The following ADAMTS6 variants were observed in gnomAD, a reference collection of about 807,000 sequenced individuals.
ADAMTS6 encodes the protein A disintegrin and metalloproteinase with thrombospondin motifs 6.
A neutral mutation model predicts 144.3 loss-of-function variants in ADAMTS6; 23 were observed. The observed-to-expected ratio is 0.16, with a 90% CI of 0.11 to 0.23. The LOEUF (loss-of-function observed/expected upper bound fraction) is 0.23, where lower values mean the gene tolerates loss of function less well. Among genes scored for constraint, ADAMTS6 ranks in the 10% least tolerant of loss-of-function variants. The pLI, the probability that ADAMTS6 is intolerant of heterozygous loss-of-function variation, is 1.00. For synonymous variants in ADAMTS6, 444 were observed against 457.5 expected, an observed-to-expected ratio of 0.97 and a Z score of 0.38; for missense variants, 999 against 1,379.6, an observed-to-expected ratio of 0.72 and a Z score of 4.37.
At chr5:65,344,994 T>C (rs2150080366) in intron 7 of ADAMTS6, among the ~76,000 whole-genome samples, 1 of 151,948 alleles carries the variant, frequency 6.6e-6, no homozygotes, top group African/African-American at 2.4e-5. Context: ...CTTACATATC[T>C]CTCATCAAAC....
At chr5:65,324,044 A>G (rs898159125) in intron 9 of ADAMTS6, among the ~76,000 whole-genome samples, 1 of 152,170 alleles carries the variant, frequency 6.6e-6, no homozygotes, top group African/African-American at 2.4e-5. Context: ...GTAGGTTGCA[A>G]AAATTTTCTC....
intron 18 of ADAMTS6, among the ~76,000 whole-genome samples, chr5:65,216,782 T>TACACAC (rs10584577): frequency 0.039 from 5,811 of 148,594 alleles, 134 homozygotes; most frequent in African/African-American, 0.056. Context: ...TTACAAGAAA[T>TACACAC]ACACACACAC....
chr5:65,349,643 T>A (rs1011751382), intron 7 of ADAMTS6, among the ~76,000 whole-genome samples: 1 of 151,862 alleles, frequency 6.6e-6, no homozygotes, highest in African/African-American at 2.4e-5. Flanking sequence ...TCAGCTGAGG[T>A]CAGGAGTTCG....
At chr5:65,363,631 T>G (rs932082035) in intron 7 of ADAMTS6, among the ~76,000 whole-genome samples, 1 of 152,204 alleles carries the variant, frequency 6.6e-6, no homozygotes, top group Admixed American at 6.5e-5. Flanking sequence ...TTAAGCTTAC[T>G]CCTTTCATCA....
At chr5:65,204,208 T>C (rs935307416) in intron 20 of ADAMTS6, among the ~76,000 whole-genome samples, 1 of 152,214 alleles carries the variant, frequency 6.6e-6, no homozygotes, top group African/African-American at 2.4e-5. Context: ...TAAGCTTAAG[T>C]TATATTGAAA....
rs1265142920 is a variant in ADAMTS6, at chr5:65,230,830, A to AAT, written c.1934-4613_1934-4612dup. On this transcript the variant is annotated intron_variant, in intron 15 of 24. Transcript: ENST00000381055. ...AATATATATATAATACATATGTATA[A>AAT]ATATATATATAATACATATATATGA... 3.0e-5 allele frequency among the ~76,000 whole-genome samples: 3 copies of AAT among 99,294 alleles called. 1 individual carries two copies. The highest frequency in any genetic ancestry group is 6.5e-5 in the Non-Finnish European group (3 of 46,190). 65.1% of individuals were successfully genotyped at this position (99,294 alleles called of 152,430 possible). A position where few individuals can be genotyped will look rare whatever the true frequency, so the allele number is the denominator to read the frequency against.
intron 7 of ADAMTS6, among the ~76,000 whole-genome samples, chr5:65,403,502 T>C (rs888183671): frequency 2.0e-5 from 3 of 152,132 alleles, no homozygotes; most frequent in Non-Finnish European, 2.9e-5. Context: ...CAGCATGTTT[T>C]CCCCTATCTT....
intron 20 of ADAMTS6, among the ~76,000 whole-genome samples, chr5:65,213,711 TAAC>T (rs1756692012): frequency 1.3e-5 from 2 of 151,886 alleles, no homozygotes; most frequent in Non-Finnish European, 2.9e-5. Context: ...TCTCTAAAAA[TAAC>T]CTCTCTGATT....
At chr5:65,252,165 A>C (rs1315153813) in intron 14 of ADAMTS6, among the ~76,000 whole-genome samples, 1 of 152,082 alleles carries the variant, frequency 6.6e-6, no homozygotes, top group African/African-American at 2.4e-5. Flanking sequence ...GGAATATCAA[A>C]GCTTCAAAAT....
chr5:65,306,850 T>C (rs931655688), intron 9 of ADAMTS6, among the ~76,000 whole-genome samples: 1 of 152,222 alleles, frequency 6.6e-6, no homozygotes, highest in Non-Finnish European at 1.5e-5. Flanking sequence ...GTTCAACTAT[T>C]TGCATATTTT....
At chr5:65,481,261 G>C (rs1761183192) in intron 1 of ADAMTS6, 82 bp downstream of exon 1, 1 of 143,010 alleles carries the variant, frequency 7.0e-6, no homozygotes, top group African/African-American at 2.6e-5. Context: ...AGTTTTCTAA[G>C]CGTTATTCGG....
chr5:65,178,065 C>T (rs1408429873), intron 22 of ADAMTS6, among the ~76,000 whole-genome samples: 2 of 152,198 alleles, frequency 1.3e-5, no homozygotes, highest in Non-Finnish European at 2.9e-5. Flanking sequence ...TGAAGGGATG[C>T]AGTGAGCTTA....
chr5:65,448,246 G>A (rs1275489783), intron 7 of ADAMTS6, among the ~76,000 whole-genome samples: 1 of 151,946 alleles, frequency 6.6e-6, no homozygotes, highest in African/African-American at 2.4e-5. Context: ...AGAGTGATCT[G>A]ATAGCTTTGC....
chr5:65,211,761 T>G (rs1756547804), intron 20 of ADAMTS6, among the ~76,000 whole-genome samples: 1 of 152,302 alleles, frequency 6.6e-6, no homozygotes, highest in African/African-American at 2.4e-5. Context: ...ACTCTAAACT[T>G]TCATCTCCCA....
intron 15 of ADAMTS6, among the ~76,000 whole-genome samples, chr5:65,239,256 T>A (rs1758952495): frequency 8.9e-6 from 1 of 112,204 alleles, no homozygotes. Context: ...CCCTAGAACT[T>A]AATGTATAAA....
At chr5:65,325,492 C>CTT (rs1260973906) in intron 9 of ADAMTS6, among the ~76,000 whole-genome samples, 14 of 141,846 alleles carry the variant, frequency 9.9e-5, no homozygotes, top group African/African-American at 2.3e-4. Flanking sequence ...TTCAATATAG[C>CTT]TTTTTTTTTT....
chr5:65,157,512 T>C (rs565645164), intron 24 of ADAMTS6, among the ~76,000 whole-genome samples: 9 of 152,334 alleles, frequency 5.9e-5, no homozygotes, highest in African/African-American at 1.9e-4. Context: ...CATGACCAGG[T>C]TGGACCATCA....
chr5:65,235,792 T>A (rs1758627411), intron 15 of ADAMTS6, among the ~76,000 whole-genome samples: 1 of 152,172 alleles, frequency 6.6e-6, no homozygotes. Flanking sequence ...ATATATTCCA[T>A]CAGTTCTGTC....
At chr5:65,367,280 C>A (rs962883808) in intron 7 of ADAMTS6, among the ~76,000 whole-genome samples, 2 of 152,140 alleles carry the variant, frequency 1.3e-5, no homozygotes, top group Non-Finnish European at 2.9e-5. Context: ...CCATATTAAT[C>A]TTAAAAGAGC....
Sources: allele counts gnomAD v4.1 joint callset (sites outside exome capture counted in the v4.1 genomes callset), GRCh38; gene constraint gnomAD v4.1.1; transcripts MANE v1.5; gene names NCBI Gene and HGNC (gene_info 2026-07-23, HGNC 2026-07-21).